DENND1A: variants seen among roughly 807,000 people sequenced by gnomAD.
DENND1A encodes the protein DENN domain containing 1A, also known as DENN domain-containing protein 1A.
Under a neutral mutation model 113.7 loss-of-function variants are expected in DENND1A, and 51 were observed. The ratio of observed to expected loss-of-function variants is 0.45; its 90% CI spans 0.36 to 0.57. The LOEUF (loss-of-function observed/expected upper bound fraction) is 0.57. DENND1A is among the 20% of genes least tolerant of loss of function. DENND1A has a pLI of 0.00. For missense variants in DENND1A, 1,258 were observed against 1,395.9 expected (o/e 0.90, Z 1.57); for synonymous variants, 565 against 570.8 (o/e 0.99, Z 0.14).
chr9:123,842,358 T>A (rs1590323986), intron 2 of DENND1A, among the ~76,000 whole-genome samples: 1 of 150,796 alleles, frequency 6.6e-6, no homozygotes, highest in African/African-American at 2.4e-5. Context: ...GTATGAGAGG[T>A]GAGAAGTAAA....
At chr9:123,530,396 T>C (rs2055199925) in intron 13 of DENND1A, among the ~76,000 whole-genome samples, 1 of 152,104 alleles carries the variant, frequency 6.6e-6, no homozygotes, top group South Asian at 2.1e-4. Flanking sequence ...AGAAGACAAA[T>C]CTTCAAGGGG....
chr9:123,616,748 A>T (rs1381100183), intron 10 of DENND1A, among the ~76,000 whole-genome samples: 1 of 152,192 alleles, frequency 6.6e-6, no homozygotes, highest in East Asian at 1.9e-4. Flanking sequence ...CAGGAGCTTG[A>T]ATTTTCAAAA....
At chr9:123,864,280 C>T (rs890313929) in intron 2 of DENND1A, among the ~76,000 whole-genome samples, 1 of 152,140 alleles carries the variant, frequency 6.6e-6, no homozygotes, top group African/African-American at 2.4e-5. Flanking sequence ...AAGGTCAGAT[C>T]ACTATTAGTT....
chr9:123,808,673 G>C (rs1836017379), intron 2 of DENND1A, among the ~76,000 whole-genome samples: 1 of 152,028 alleles, frequency 6.6e-6, no homozygotes. Context: ...TGACGCCCCT[G>C]GTCTGGGGGA....
chr9:123,737,814 G>C (rs1264251165), intron 5 of DENND1A, among the ~76,000 whole-genome samples: 7 of 152,136 alleles, frequency 4.6e-5, no homozygotes, highest in Non-Finnish European at 8.8e-5. Flanking sequence ...AAAGACACCT[G>C]AATTCCAAGA....
chr9:123,507,909 T>C (rs1280283228), intron 13 of DENND1A, among the ~76,000 whole-genome samples: 5 of 152,200 alleles, frequency 3.3e-5, no homozygotes. Context: ...ACAGTTTCCA[T>C]TGCTACTGTG....
chr9:123,699,282 T>C (rs10124952), intron 5 of DENND1A, among the ~76,000 whole-genome samples: 17,832 of 152,146 alleles, frequency 0.12, 1,499 homozygotes, highest in African/African-American at 0.23. Flanking sequence ...GTCATTCAAA[T>C]GTCCTTCAGA....
At chr9:123,621,083 C>T (rs7037809) in intron 10 of DENND1A, among the ~76,000 whole-genome samples, 12,123 of 151,778 alleles carry the variant, frequency 0.08, 619 homozygotes, top group African/African-American at 0.14. Flanking sequence ...GTTTGGCATA[C>T]ATAAGAGAAT....
chr9:123,665,319 A>G (rs1184851774), intron 8 of DENND1A, among the ~76,000 whole-genome samples: 3 of 152,204 alleles, frequency 2.0e-5, no homozygotes, highest in Non-Finnish European at 2.9e-5. Flanking sequence ...GAGCTAAATG[A>G]GAAAATGGAG....
At chr9:123,652,910 G>A (rs1373197269) in intron 8 of DENND1A, among the ~76,000 whole-genome samples, 2 of 152,042 alleles carry the variant, frequency 1.3e-5, no homozygotes, top group Non-Finnish European at 2.9e-5. Context: ...GAAAAAAAAT[G>A]GAATGTGTTT....
At chr9:123,751,291 G>A (rs974118682) in intron 5 of DENND1A, 1 of 152,170 alleles carries the variant, frequency 6.6e-6, no homozygotes, top group African/African-American at 2.4e-5. Flanking sequence ...AGATCAGAAA[G>A]TGCTCCAGAA....
At chr9:123,750,058 C>T (rs951769259) in intron 5 of DENND1A, among the ~76,000 whole-genome samples, 2 of 152,210 alleles carry the variant, frequency 1.3e-5, no homozygotes, top group African/African-American at 4.8e-5. Context: ...CTTCCTCCTG[C>T]AGTGGACAGC....
At chr9:123,576,115 T>A (rs183920773) in intron 12 of DENND1A, among the ~76,000 whole-genome samples, 1 of 152,220 alleles carries the variant, frequency 6.6e-6, no homozygotes, top group Non-Finnish European at 1.5e-5. Flanking sequence ...CCTCCCTTAG[T>A]GGCCCTTGTA....
At chr9:123,644,639 G>A (rs1310377147) in intron 9 of DENND1A, among the ~76,000 whole-genome samples, 1 of 152,150 alleles carries the variant, frequency 6.6e-6, no homozygotes, top group African/African-American at 2.4e-5. Context: ...GACATAACCT[G>A]GTTCCCAGGC....
chr9:123,630,087 A>C lies in DENND1A; in HGVS notation c.719+289T>G, dbSNP rs556796655. On this transcript the variant is annotated intron_variant, in intron 10 of 23. Coordinates refer to ENST00000394215, the MANE Select transcript of DENND1A (RefSeq NM_001352964.2). ...ACAGAGTCTCACTCTGTTGCCCGGGATGGAGTGCAGTGGCACAATTATAGC... is the reference window on the plus strand; with the variant it reads ...ACAGAGTCTCACTCTGTTGCCCGGGCTGGAGTGCAGTGGCACAATTATAGC... Among the ~76,000 whole-genome samples the C allele has an allele frequency of 5.9e-5, 9 of 151,384 alleles. No homozygotes were observed. The South Asian group carries it at 1.5e-3, about 25-fold the overall frequency.
chr9:123,830,844 T>G (rs1350091762), intron 2 of DENND1A, among the ~76,000 whole-genome samples: 5 of 108,778 alleles, frequency 4.6e-5, no homozygotes, highest in African/African-American at 1.5e-4. Flanking sequence ...CCAGCCTGGG[T>G]GACAAGAGTG....
intron 1 of DENND1A, among the ~76,000 whole-genome samples, chr9:123,890,934 C>T (rs1020947446): frequency 6.6e-6 from 1 of 152,138 alleles, no homozygotes; most frequent in Admixed American, 6.6e-5. Context: ...ACTGCATATA[C>T]CCATGTAACC....
At chr9:123,676,565 G>T (rs2064088175) in intron 6 of DENND1A, among the ~76,000 whole-genome samples, 155 bp downstream of exon 6, 1 of 152,130 alleles carries the variant, frequency 6.6e-6, no homozygotes, top group African/African-American at 2.4e-5. Context: ...AATTAAAAGT[G>T]ATTTTCTTTT....
At chr9:123,710,101 T>C (rs1039182002) in intron 5 of DENND1A, among the ~76,000 whole-genome samples, 1 of 152,242 alleles carries the variant, frequency 6.6e-6, no homozygotes, top group African/African-American at 2.4e-5. Flanking sequence ...CACATCATGA[T>C]GACGTCCAAA....
Sources: gnomAD v4.1 joint callset for allele counts (sites outside exome capture counted in the v4.1 genomes callset) on GRCh38, gnomAD v4.1.1 for gene constraint, MANE v1.5 for transcripts, NCBI Gene and HGNC (gene_info 2026-07-23, HGNC 2026-07-21) for gene names.